Variants in INKA2 observed in about 807,000 individuals in gnomAD.
The protein encoded by INKA2 is PAK4-inhibitor INKA2.
INKA2 carries 3 observed loss-of-function variants against 9.8 expected under a neutral mutation model. The ratio of observed to expected loss-of-function variants is 0.31; its 90% CI spans 0.14 to 0.79. The LOEUF (loss-of-function observed/expected upper bound fraction) is 0.79, where lower values mean the gene tolerates loss of function less well. INKA2 is among the 30% of genes least tolerant of loss of function. INKA2 has a pLI of 0.62. For synonymous variants in INKA2, 147 were observed against 143.3 expected (o/e 1.03, Z -0.18); for missense variants, 392 against 384.4 (o/e 1.02, Z -0.17).
At chr1:111,739,150 C>A (rs780963111) in intron 1 of INKA2, 36 bp downstream of exon 1, 36 of 1,598,244 alleles carry the variant, frequency 2.3e-5, no homozygotes, top group Non-Finnish European at 3.0e-5. Flanking sequence ...CGGGGCGGAG[C>A]AGCCCTCCCT....
chr1:111,733,857 G>A (rs1662959970), intron 1 of INKA2, among the ~76,000 whole-genome samples: 1 of 152,098 alleles, frequency 6.6e-6, no homozygotes, highest in Admixed American at 6.5e-5. Flanking sequence ...TCCATCTCAC[G>A]CCCTCTCCCA....
chr1:111,728,570 T>C (rs1309602244), intron 1 of INKA2, among the ~76,000 whole-genome samples: 1 of 152,144 alleles, frequency 6.6e-6, no homozygotes, highest in Non-Finnish European at 1.5e-5. Flanking sequence ...CCAAAGCTTT[T>C]TGAGCCACAA....
At chr1:111,743,660 G>A (rs565037112), upstream of INKA2, among the ~76,000 whole-genome samples, 1 of 152,196 alleles carries the variant, frequency 6.6e-6, no homozygotes, top group South Asian at 2.1e-4. Context: ...AGACATACCC[G>A]AGTGAGGCAG....
At chr1:111,752,524 T>G (rs34476125) in intron 1 of INKA2, among the ~76,000 whole-genome samples, 5,440 of 152,308 alleles carry the variant, frequency 0.036, 135 homozygotes, top group East Asian at 0.073. Flanking sequence ...GTTTTGTAGA[T>G]TGAATGCAAA....
chr1:111,732,568 T>TACACACACACACACACAC (rs3085876), intron 1 of INKA2, among the ~76,000 whole-genome samples: 1,592 of 142,886 alleles, frequency 0.011, 15 homozygotes, highest in Middle Eastern at 0.025. Flanking sequence ...CTCTCTCTGT[T>TACACACACACACACACAC]ACACACACAC....
At chr1:111,753,475 A>G (rs532341912) in intron 1 of INKA2, among the ~76,000 whole-genome samples, 1 of 152,372 alleles carries the variant, frequency 6.6e-6, no homozygotes, top group Admixed American at 6.5e-5. Context: ...GTTATTCACC[A>G]TGGTTCCCAA....
rs1662768420 is a variant in INKA2, at chr1:111,726,286, T to TG, written c.*681dup. 1 of 382,532 alleles carries TG rather than the reference T, an allele frequency of 2.6e-6. No homozygotes were observed. The highest frequency in any genetic ancestry group is 2.1e-5 in the African/African-American group (1 of 48,200). The allele number at this position is 382,532 out of a possible 1,614,324, so 23.7% of individuals were successfully genotyped here. A position where few individuals can be genotyped will look rare whatever the true frequency, so the allele number is the denominator to read the frequency against. ...TATGTCAACATCCTTCCCCTGTGCA[T>TG]GGGGGAGACGCGGGGAGTGTCTAGG... On this transcript the variant is annotated 3_prime_UTR_variant, in exon 2 of 2. Coordinates refer to ENST00000357260, the MANE Select transcript of INKA2 (RefSeq NM_019099.5).
At chr1:111,730,863 T>C (rs1546924) in intron 1 of INKA2, among the ~76,000 whole-genome samples, 77,489 of 151,928 alleles carry the variant, frequency 0.51, 19,977 homozygotes, top group South Asian at 0.68. Context: ...AAAACACATA[T>C]TGAATATCAC....
chr1:111,740,971 TAA>T (rs869221820), upstream of INKA2, among the ~76,000 whole-genome samples: 16 of 38,404 alleles, frequency 4.2e-4, 7 homozygotes, highest in African/African-American at 7.6e-4. Flanking sequence ...AAACTCCGTT[TAA>T]AAAAAAAAAA....
At chr1:111,755,315 G>A (rs1014632946) in intron 1 of INKA2, 7 of 250,832 alleles carry the variant, frequency 2.8e-5, no homozygotes, top group South Asian at 8.3e-5. Context: ...GTGCGCCAGG[G>A]ACTTGCTAGG....
Position 111,727,501 on chromosome 1 carries a change from T to C in INKA2, c.361A>G (p.Arg121Gly), listed in dbSNP as rs1400046356. ...GCACAGCTTTGATGTGGCTGTGTCC[T>C]GGGCAAGGGGGCTAAATCCCTTCCA... ...VCGRDLAPLPRTQPHQSCAQQ... is the reference protein window; with the variant it reads ...VCGRDLAPLPGTQPHQSCAQQ... The change falls in exon 2 of 2, where the codon AGG (arginine) becomes GGG (glycine). Residue 121 changes from arginine to glycine, a missense_variant. By Grantham distance (125) the Arg-to-Gly change is moderately radical. Coordinates refer to ENST00000357260, the MANE Select transcript of INKA2 (RefSeq NM_019099.5). 2 of 1,614,216 alleles carry C rather than the reference T, an allele frequency of 1.2e-6. No individual in the cohort carries two copies. The highest frequency in any genetic ancestry group is 1.7e-6 in the Non-Finnish European group (2 of 1,180,046).
In INKA2 at chr1:111,725,906, CG is replaced by C. The variant is rs1662759005; in HGVS notation, c.*1061del. ...TGCCACCACGCCTGGCTAATTTTTA[CG>C]TATTTTTTTAGTAGAGACGGGGTTT... On this transcript the variant is annotated 3_prime_UTR_variant, in exon 2 of 2. Transcript: ENST00000357260. 5.6e-6 allele frequency: 2 copies of C among 358,188 alleles called. No homozygotes were observed. Among genetic ancestry groups the C allele is most frequent in the Non-Finnish European group, 9.9e-6 (2 of 201,006 alleles). 22.2% of individuals were successfully genotyped at this position (358,188 alleles called of 1,614,324 possible). A position where few individuals can be genotyped will look rare whatever the true frequency, so the allele number is the denominator to read the frequency against.
chr1:111,726,719 A>G lies in INKA2; in HGVS notation c.*249T>C. On this transcript the variant is annotated 3_prime_UTR_variant, in exon 2 of 2. Coordinates refer to ENST00000357260, the MANE Select transcript of INKA2 (RefSeq NM_019099.5). ...CAGACAGACACACACATGCACACAC[A>G]CACACACACACGCACAGCTCACTCT... The G allele has an allele frequency of 3.6e-6, 2 of 551,522 alleles. No homozygotes were observed. The highest frequency in any genetic ancestry group is 6.5e-6 in the Non-Finnish European group (2 of 308,586). 34.2% of individuals were successfully genotyped at this position (551,522 alleles called of 1,614,324 possible). A position where few individuals can be genotyped will look rare whatever the true frequency, so the allele number is the denominator to read the frequency against.
chr1:111,732,629 A>G (rs1214770173), intron 1 of INKA2, among the ~76,000 whole-genome samples: 1 of 151,390 alleles, frequency 6.6e-6, no homozygotes, highest in Non-Finnish European at 1.5e-5. Flanking sequence ...CATCAAAGGT[A>G]AAACCCTTAA....
intron 1 of INKA2, among the ~76,000 whole-genome samples, chr1:111,737,896 C>G (rs1269253911): frequency 6.6e-6 from 1 of 152,176 alleles, no homozygotes; most frequent in Non-Finnish European, 1.5e-5. Context: ...GTGAGAACAC[C>G]TGCAGTTTCA....
At position 111,724,902 on chromosome 1, in the gene INKA2, G is replaced by A. The variant is rs1662733777; in HGVS notation, c.*2066C>T. ...ACGCCCCCTAATAACCTCCATAGAT[G>A]TGTCTGGAGAACAATGCCTTCTAGG... On this transcript the variant is annotated 3_prime_UTR_variant, in exon 2 of 2. Transcript: ENST00000357260. The A allele has an allele frequency of 6.6e-6, 1 of 152,308 alleles. No homozygotes were observed. The highest frequency in any genetic ancestry group is 6.5e-5 in the Admixed American group (1 of 15,298). The allele number at this position is 152,308 out of a possible 1,614,324, so 9.4% of individuals were successfully genotyped here. A position where few individuals can be genotyped will look rare whatever the true frequency, so the allele number is the denominator to read the frequency against.
rs34918562 is a variant in INKA2 at position 111,728,903 on chromosome 1, CT to C, written c.58-1100del. Among the ~76,000 whole-genome samples, 78 of 115,514 alleles carry C rather than the reference CT, an allele frequency of 6.8e-4. 1 individual carries two copies. Among genetic ancestry groups the C allele is most frequent in the Admixed American group, 9.8e-4 (10 of 10,232 alleles). 75.8% of individuals were successfully genotyped at this position (115,514 alleles called of 152,430 possible). On this transcript the variant is annotated intron_variant, in intron 1 of 1. Transcript: ENST00000357260. ...CTGGGCAGTGGGCAGTGGAGCTAGG[CT>C]TTTTTTTTTTTTTTTCAAACAGGGT...
At position 111,727,621 on chromosome 1, in the gene INKA2, C is replaced by A. The variant is rs1006595142; in HGVS notation, c.241G>T (p.Gly81Cys). The change falls in exon 2 of 2, where the codon GGT (glycine) becomes TGT (cysteine). Residue 81 changes from glycine to cysteine, a missense_variant. Gly to Cys is a radical substitution (Grantham distance 159). Transcript: ENST00000357260. ...RTQCEHPCWE[G>C]GRGPARPTVC... ...GTGGGCCTGGCAGGACCTCTGCCAC[C>A]CTCCCAACAAGGGTGCTCGCACTGG... 1 of 1,608,402 alleles carries A rather than the reference C, an allele frequency of 6.2e-7. No individual in the cohort carries two copies. Among genetic ancestry groups the A allele is most frequent in the Non-Finnish European group, 8.5e-7 (1 of 1,176,896 alleles).
chr1:111,755,591 G>GGC (rs1483208457), intron 1 of INKA2: 28 of 1,297,102 alleles, frequency 2.2e-5, no homozygotes, highest in Admixed American at 1.4e-4. Flanking sequence ...AGAGGGCGGT[G>GGC]GCGCCGGGGG....
Sources: allele counts gnomAD v4.1 joint callset (sites outside exome capture counted in the v4.1 genomes callset), GRCh38; gene constraint gnomAD v4.1.1; transcripts MANE v1.5; gene names NCBI Gene and HGNC (gene_info 2026-07-23, HGNC 2026-07-21).